Variants in RIMS4 observed in about 807,000 individuals in gnomAD.
The protein encoded by RIMS4 is regulating synaptic membrane exocytosis protein 4.
In RIMS4, 9 loss-of-function variants were observed where a neutral mutation model predicts 29.0. The observed-to-expected ratio is 0.31, with a 90% CI of 0.19 to 0.54. The LOEUF is 0.54. RIMS4 is among the 20% of genes least tolerant of loss of function. The pLI, the probability that RIMS4 is intolerant of heterozygous loss-of-function variation, is 0.94. For synonymous variants in RIMS4, 130 were observed against 152.9 expected (o/e 0.85, Z 1.10); for missense variants, 193 against 365.7 (o/e 0.53, Z 3.85).
chr20:44,808,291 T>C (rs1488377364), intron 1 of RIMS4, among the ~76,000 whole-genome samples: 1 of 152,168 alleles, frequency 6.6e-6, no homozygotes, highest in African/African-American at 2.4e-5. Flanking sequence ...AAAATATCAT[T>C]AATACTACTT....
intron 2 of RIMS4, among the ~76,000 whole-genome samples, chr20:44,764,173 T>TCCATCCAA (rs2066101393): frequency 4.8e-5 from 1 of 20,748 alleles, no homozygotes; most frequent in Non-Finnish European, 1.5e-4. Flanking sequence ...CATCCATCCA[T>TCCATCCAA]CCATCCATCC....
At position 44,756,541 on chromosome 20, in the gene RIMS4, T is replaced by A. The variant is rs182976046; in HGVS notation, c.592-189A>T. The stretch of plus-strand genomic sequence containing the variant: ...CAAGCCCCTGGCCTCCAGAGGCTGT[T>A]GATGGTAATGGTGACGGTGACGATG... On this transcript the variant is annotated intron_variant, in intron 5 of 5. Coordinates refer to ENST00000372851, the MANE Select transcript of RIMS4 (RefSeq NM_182970.4). This position sits in a 1 kb window ranked among gnomAD's most constrained non-coding sequence, Gnocchi z 5.9. Among the ~76,000 whole-genome samples the A allele has an allele frequency of 8.6e-4, 131 of 152,222 alleles. No individual in the cohort carries two copies. The highest frequency in any genetic ancestry group is 2.4e-3 in the Admixed American group (36 of 15,296).
chr20:44,800,203 A>T (rs1320999297), intron 1 of RIMS4, among the ~76,000 whole-genome samples: 1 of 152,160 alleles, frequency 6.6e-6, no homozygotes, highest in African/African-American at 2.4e-5. Flanking sequence ...ATAAGTGCTT[A>T]ATAAGAATTT....
chr20:44,798,334 C>A (rs935177456), intron 1 of RIMS4, among the ~76,000 whole-genome samples: 1 of 152,164 alleles, frequency 6.6e-6, no homozygotes, highest in African/African-American at 2.4e-5. Flanking sequence ...TCCTGTTCTG[C>A]CCCTCACTAG....
At position 44,810,492 on chromosome 20, in the gene RIMS4, TGGC is replaced by T. The variant is rs1186589933; in HGVS notation, c.-224_-222del. On this transcript the variant is annotated 5_prime_UTR_variant, in exon 1 of 6. Transcript: ENST00000372851. ...CGGAGCCCGAGGCGCGCTGTGCTGCTGGCGGCGGCGGCGGCGGCGGCGGTGGCG... is the reference window on the plus strand; with the variant it reads ...CGGAGCCCGAGGCGCGCTGTGCTGCTGGCGGCGGCGGCGGCGGCGGTGGCG... Among the ~76,000 whole-genome samples the T allele has an allele frequency of 3.6e-5, 5 of 138,776 alleles. No individual in the cohort carries two copies. Among genetic ancestry groups the T allele is most frequent in the African/African-American group, 5.2e-5 (2 of 38,350 alleles). 91.0% of individuals were successfully genotyped at this position (138,776 alleles called of 152,430 possible). A position where few individuals can be genotyped will look rare whatever the true frequency, so the allele number is the denominator to read the frequency against.
At chr20:44,798,208 C>T (rs1336065016) in intron 1 of RIMS4, among the ~76,000 whole-genome samples, 2 of 152,120 alleles carry the variant, frequency 1.3e-5, no homozygotes, top group African/African-American at 2.4e-5. Flanking sequence ...CAAAGAGGGA[C>T]TTGGAAAGAG....
At chr20:44,791,443 T>C (rs1328207973) in intron 1 of RIMS4, among the ~76,000 whole-genome samples, 1 of 152,210 alleles carries the variant, frequency 6.6e-6, no homozygotes, top group Non-Finnish European at 1.5e-5. Context: ...CGACAGAACC[T>C]TTCTTAGAGG....
rs540548747 is a variant in RIMS4 at position 44,769,261 on chromosome 20, G to A, written c.236+2014C>T. On this transcript the variant is annotated intron_variant, in intron 2 of 5. Transcript: ENST00000372851. ...CTTCCTCATAACACACTCTGATAAT[G>A]CTCCCCTTGGTCATGTGGCCTTTCT... is the stretch of plus-strand genomic sequence containing the variant. 1.1e-4 allele frequency among the ~76,000 whole-genome samples: 16 copies of A among 152,268 alleles called. No individual in the cohort carries two copies. The South Asian group carries it at 2.3e-3, about 22-fold the overall frequency.
intron 1 of RIMS4, among the ~76,000 whole-genome samples, chr20:44,797,715 G>A (rs143463153): frequency 1.3e-5 from 2 of 152,292 alleles, no homozygotes; most frequent in East Asian, 3.8e-4. Context: ...TTACAGACGA[G>A]CCCTAATTTA....
intron 2 of RIMS4, among the ~76,000 whole-genome samples, chr20:44,760,783 T>C (rs2066081260): frequency 6.6e-6 from 1 of 152,240 alleles, no homozygotes; most frequent in African/African-American, 2.4e-5. Context: ...AATATGTTAG[T>C]GAACAGTGAT....
intron 1 of RIMS4, among the ~76,000 whole-genome samples, chr20:44,808,334 A>G (rs938615492): frequency 3.3e-5 from 5 of 152,326 alleles, no homozygotes; most frequent in African/African-American, 1.2e-4. Context: ...GTGAAACCAG[A>G]GCAAGTTGCC....
chr20:44,796,172 C>A (rs543160782), intron 1 of RIMS4, among the ~76,000 whole-genome samples: 1 of 151,840 alleles, frequency 6.6e-6, no homozygotes, highest in Non-Finnish European at 1.5e-5. Flanking sequence ...CTGTGCCCCC[C>A]ACCCAACATG....
intron 2 of RIMS4, among the ~76,000 whole-genome samples, chr20:44,763,981 T>C (rs888416368): frequency 9.2e-5 from 14 of 151,770 alleles, no homozygotes; most frequent in Admixed American, 3.3e-4. Context: ...CATCCATCCA[T>C]CCACCTATCA....
intron 1 of RIMS4, among the ~76,000 whole-genome samples, chr20:44,772,851 G>A (rs2066142834): frequency 1.3e-5 from 2 of 152,236 alleles, no homozygotes; most frequent in East Asian, 3.9e-4. Context: ...CAGGAGCAGG[G>A]CAAGCCAGGA....
intron 1 of RIMS4, among the ~76,000 whole-genome samples, chr20:44,794,110 G>A (rs112869532): frequency 1.8e-3 from 276 of 152,258 alleles, no homozygotes; most frequent in African/African-American, 6.0e-3. Flanking sequence ...CAATTCTACC[G>A]CCAGCCAGGT....
At chr20:44,758,950 T>C (rs1447267726) in intron 2 of RIMS4, among the ~76,000 whole-genome samples, 3 of 152,208 alleles carry the variant, frequency 2.0e-5, no homozygotes, top group Non-Finnish European at 4.4e-5. Context: ...AGCAAGCTAC[T>C]TCATCTTTTG....
chr20:44,764,056 AT>A (rs2066098345), intron 2 of RIMS4, among the ~76,000 whole-genome samples: 1 of 149,066 alleles, frequency 6.7e-6, no homozygotes, highest in Non-Finnish European at 1.5e-5. Flanking sequence ...TTATCCATCC[AT>A]CCATCCATTT....
intron 2 of RIMS4, among the ~76,000 whole-genome samples, chr20:44,769,182 C>T (rs1279469687): frequency 1.3e-5 from 2 of 152,186 alleles, no homozygotes; most frequent in Non-Finnish European, 2.9e-5. Flanking sequence ...TTACAGCAAA[C>T]AGTAACAAGA....
chr20:44,807,250 C>G (rs1123402), intron 1 of RIMS4, among the ~76,000 whole-genome samples: 83,759 of 152,098 alleles, frequency 0.55, 23,319 homozygotes, highest in Admixed American at 0.6. Flanking sequence ...GGGCCCACGG[C>G]GGGCTAGAAA....
Sources: gnomAD v4.1 joint callset for allele counts (sites outside exome capture counted in the v4.1 genomes callset) on GRCh38, gnomAD v4.1.1 for gene constraint, Gnocchi (gnomAD v3.1) non-coding constraint, MANE v1.5 for transcripts, NCBI Gene and HGNC (gene_info 2026-07-23, HGNC 2026-07-21) for gene names.